Variants in PBX1 observed in about 807,000 individuals in gnomAD.
PBX1 encodes PBX homeobox 1.
In PBX1, 6 loss-of-function variants were observed where a neutral mutation model predicts 53.4. The observed-to-expected ratio is 0.11, with a 90% CI of 0.06 to 0.22. The LOEUF is 0.22. Ranked by LOEUF, PBX1 falls within the 10% of genes least tolerant of loss-of-function variation. The pLI is 1.00. For missense variants in PBX1, 251 were observed against 551.4 expected, an observed-to-expected ratio of 0.46 and a Z score of 5.46; for synonymous variants, 204 against 212.3, an observed-to-expected ratio of 0.96 and a Z score of 0.34.
intron 5 of PBX1, 68 bp from the exon 6 acceptor site, chr1:164,811,922 T>C (rs1669632451): frequency 7.1e-7 from 1 of 1,414,920 alleles, no homozygotes; most frequent in African/African-American, 1.4e-5. Flanking sequence ...ATAAAGCCTT[T>C]TTTTTCTTCT....
At chr1:164,877,980 T>C (rs1025509221) in intron 2 of PBX1, among the ~76,000 whole-genome samples, 1 of 152,212 alleles carries the variant, frequency 6.6e-6, no homozygotes, top group African/African-American at 2.4e-5. Context: ...AGTGGAATCC[T>C]GCACTATATA....
intron 2 of PBX1, among the ~76,000 whole-genome samples, chr1:164,743,480 T>C (rs541692974): frequency 6.6e-6 from 1 of 152,168 alleles, no homozygotes; most frequent in Non-Finnish European, 1.5e-5. Context: ...CACTTTTGCA[T>C]GGCACTATGC....
intron 2 of PBX1, among the ~76,000 whole-genome samples, chr1:164,673,563 C>T (rs1454458880): frequency 2.0e-5 from 3 of 150,930 alleles, no homozygotes; most frequent in Non-Finnish European, 2.9e-5. Flanking sequence ...CTCCGCCTCC[C>T]GGCTTCAAGC....
chr1:164,705,334 A>T (rs1391506988), intron 2 of PBX1, among the ~76,000 whole-genome samples: 2 of 152,240 alleles, frequency 1.3e-5, no homozygotes, highest in Non-Finnish European at 2.9e-5. Context: ...TTTGGTAATT[A>T]AAAAATATAT....
chr1:164,653,594 G>A (rs577796737), intron 2 of PBX1, among the ~76,000 whole-genome samples: 6 of 152,134 alleles, frequency 3.9e-5, no homozygotes, highest in African/African-American at 1.4e-4. Context: ...CCAACGTGGT[G>A]AAACCCCGTC....
rs1657770522 is a variant in PBX1, at chr1:164,622,814, G to A, written c.265+59503G>A. Among the ~76,000 whole-genome samples the A allele has an allele frequency of 1.3e-4, 19 of 141,280 alleles. 1 individual carries two copies. In the South Asian group the frequency reaches 4.3e-3, roughly 32 times the overall value. 92.7% of individuals were successfully genotyped at this position (141,280 alleles called of 152,430 possible). A position where few individuals can be genotyped will look rare whatever the true frequency, so the allele number is the denominator to read the frequency against. On this transcript the variant is annotated intron_variant, in intron 2 of 8. Transcript: ENST00000420696. ...TGCTTGCTATACATACATACACACA[G>A]TTTCCATCTTTTTTTTTTTTTTTTT...
chr1:164,598,419 A>G (rs1349508064), intron 2 of PBX1, among the ~76,000 whole-genome samples: 1 of 152,092 alleles, frequency 6.6e-6, no homozygotes, highest in African/African-American at 2.4e-5. Context: ...GGGTTAAGTC[A>G]TTGTCTTCCA....
At chr1:164,663,616 A>T (rs1660643022) in intron 2 of PBX1, among the ~76,000 whole-genome samples, 1 of 152,186 alleles carries the variant, frequency 6.6e-6, no homozygotes, top group Non-Finnish European at 1.5e-5. Flanking sequence ...AGATGATTGC[A>T]CCTGTCTGTC....
chr1:164,799,933 G>C lies in PBX1; in HGVS notation c.701+44G>C, dbSNP rs577765640. 4 of 1,555,838 alleles carry C rather than the reference G, an allele frequency of 2.6e-6. No homozygotes were observed. The African/African-American group carries it at 5.4e-5, about 21-fold the overall frequency. Reference sequence around the variant, plus strand: ...TGTCCTGCCCTCTCTGGGAGTCCCTGATCTGGGGCTGGAGTCCACAGCCGC... The same window carrying C: ...TGTCCTGCCCTCTCTGGGAGTCCCTCATCTGGGGCTGGAGTCCACAGCCGC... On this transcript the variant is annotated intron_variant, in intron 4 of 8. Coordinates refer to ENST00000420696, the MANE Select transcript of PBX1 (RefSeq NM_002585.4).
intron 2 of PBX1, among the ~76,000 whole-genome samples, chr1:164,597,203 A>G (rs1438019066): frequency 6.6e-6 from 1 of 152,234 alleles, no homozygotes; most frequent in African/African-American, 2.4e-5. Flanking sequence ...GCTTTAAATC[A>G]TGTCTGCTTC....
At chr1:164,857,135 A>T (rs1443415976) in intron 2 of PBX1, among the ~76,000 whole-genome samples, 1 of 152,154 alleles carries the variant, frequency 6.6e-6, no homozygotes, top group East Asian at 1.9e-4. Flanking sequence ...CTGCCCTCAC[A>T]TCAGACACCA....
In PBX1 at chr1:164,805,033, ATGTC is replaced by A. The variant is rs200593311; in HGVS notation, c.702-2505_702-2502del. 6.6e-3 allele frequency among the ~76,000 whole-genome samples: 1,003 copies of A among 152,282 alleles called. 10 individuals are homozygous for A. The highest frequency in any genetic ancestry group is 0.023 in the African/African-American group (965 of 41,554). On this transcript the variant is annotated intron_variant, in intron 4 of 8. Transcript: ENST00000420696. ...TAACAAATTTGATAGTTAGCAGTGT[ATGTC>A]TGTGATGTCTACACATCTCACTATC...
intron 2 of PBX1, among the ~76,000 whole-genome samples, chr1:164,772,457 C>G (rs1022854054): frequency 6.6e-6 from 1 of 152,172 alleles, no homozygotes; most frequent in Non-Finnish European, 1.5e-5. Flanking sequence ...GTTTATAAAA[C>G]TCACAACTGG....
chr1:164,621,642 A>G (rs572756034), intron 2 of PBX1, among the ~76,000 whole-genome samples: 2 of 152,274 alleles, frequency 1.3e-5, no homozygotes, highest in South Asian at 2.1e-4. Flanking sequence ...TGCACAGTCT[A>G]TCTTTTTGGC....
intron 2 of PBX1, among the ~76,000 whole-genome samples, chr1:164,749,259 CAA>C (rs1378913850): frequency 9.2e-5 from 14 of 152,164 alleles, no homozygotes; most frequent in African/African-American, 3.4e-4. Context: ...GGAACATAAA[CAA>C]TATATATCTT....
chr1:164,721,934 T>C (rs1664432877), intron 2 of PBX1, among the ~76,000 whole-genome samples: 1 of 152,218 alleles, frequency 6.6e-6, no homozygotes, highest in South Asian at 2.1e-4. Flanking sequence ...AGTTCTTACC[T>C]TCATGGAGCT....
chr1:164,819,890 A>G, intron 6 of PBX1, 182 bp from the exon 7 acceptor site: 3 of 562,836 alleles, frequency 5.3e-6, no homozygotes, highest in Non-Finnish European at 9.5e-6. Context: ...CATAAACAAT[A>G]TGCACCCTTT....
intron 2 of PBX1, among the ~76,000 whole-genome samples, chr1:164,670,700 T>C (rs1038509385): frequency 6.6e-6 from 1 of 151,630 alleles, no homozygotes; most frequent in African/African-American, 2.4e-5. Context: ...GGCAGAAAAA[T>C]GGAGTACTGA....
intron 2 of PBX1, among the ~76,000 whole-genome samples, chr1:164,579,002 C>G (rs1280364624): frequency 6.6e-6 from 1 of 151,400 alleles, no homozygotes; most frequent in Non-Finnish European, 1.5e-5. Flanking sequence ...CCTGAGACCA[C>G]TTGGCATTTC....
Sources: allele counts gnomAD v4.1 joint callset (sites outside exome capture counted in the v4.1 genomes callset), GRCh38; gene constraint gnomAD v4.1.1; transcripts MANE v1.5; gene names NCBI Gene and HGNC (gene_info 2026-07-23, HGNC 2026-07-21).